PCDH7: variants seen among roughly 807,000 people sequenced by gnomAD.
PCDH7 encodes the protein protocadherin 7.
Under a neutral mutation model 58.9 loss-of-function variants are expected in PCDH7, and 17 were observed. That is an observed-to-expected ratio of 0.29 (90% confidence interval 0.20 to 0.43). PCDH7 has a LOEUF of 0.43. Among genes scored for constraint, PCDH7 ranks in the 20% least tolerant of loss-of-function variants. The pLI, the probability that PCDH7 is intolerant of heterozygous loss-of-function variation, is 1.00. For synonymous variants in PCDH7, 664 were observed against 616.4 expected (o/e 1.08, Z -1.14); for missense variants, 1,274 against 1,441.0 (o/e 0.88, Z 1.88).
intron 3 of PCDH7, among the ~76,000 whole-genome samples, chr4:31,054,445 C>CA (rs1267755759): frequency 3.9e-5 from 6 of 152,100 alleles, no homozygotes; most frequent in African/African-American, 1.4e-4. Flanking sequence ...GCACAACAAG[C>CA]AAAAAATACA....
chr4:30,864,326 T>G (rs990681666), intron 1 of PCDH7, among the ~76,000 whole-genome samples: 1 of 151,954 alleles, frequency 6.6e-6, no homozygotes, highest in Non-Finnish European at 1.5e-5. Flanking sequence ...ATTGTATTCC[T>G]TCCTTGAAAA....
intron 1 of PCDH7, among the ~76,000 whole-genome samples, chr4:30,808,411 C>A (rs1204646205): frequency 3.3e-5 from 5 of 152,128 alleles, no homozygotes; most frequent in Non-Finnish European, 7.4e-5. Context: ...TCTTTCTCTG[C>A]TGTTTTTTTC....
chr4:30,866,725 T>C (rs1734928563), intron 1 of PCDH7, among the ~76,000 whole-genome samples: 1 of 152,062 alleles, frequency 6.6e-6, no homozygotes, highest in South Asian at 2.1e-4. Flanking sequence ...ATTGTCCTTT[T>C]GATGTGTTTT....
chr4:30,816,982 C>G, intron 1 of PCDH7, among the ~76,000 whole-genome samples: 1 of 152,200 alleles, frequency 6.6e-6, no homozygotes, highest in East Asian at 1.9e-4. Flanking sequence ...AGAAATTCAG[C>G]GAGCACATAG....
chr4:30,999,915 C>T (rs1436714434), intron 3 of PCDH7, among the ~76,000 whole-genome samples: 1 of 152,016 alleles, frequency 6.6e-6, no homozygotes, highest in East Asian at 1.9e-4. Flanking sequence ...AACGTTTTCT[C>T]TTGGATAAGG....
intron 2 of PCDH7, among the ~76,000 whole-genome samples, chr4:30,939,629 T>C (rs940463790): frequency 5.3e-5 from 8 of 152,094 alleles, no homozygotes. Context: ...AAGTTATATA[T>C]CTGATGATTT....
chr4:30,877,945 A>C (rs918766989), intron 1 of PCDH7, among the ~76,000 whole-genome samples: 2 of 152,120 alleles, frequency 1.3e-5, no homozygotes, highest in African/African-American at 2.4e-5. Flanking sequence ...TATTTTGTTT[A>C]TAGCAAAAAT....
At position 30,797,525 on chromosome 4, in the gene PCDH7, C is replaced by T. The variant is rs368255020; in HGVS notation, c.70+72929C>T. Among the ~76,000 whole-genome samples the T allele has an allele frequency of 2.4e-4, 37 of 152,290 alleles. No homozygotes were observed. In the East Asian group the frequency reaches 4.1e-3, roughly 17 times the overall value. On this transcript the variant is annotated intron_variant, in intron 1 of 3. Coordinates refer to the PCDH7 transcript ENST00000509759. Reference sequence around the variant, plus strand: ...TCCTGACCTCGTGATCTGCCCGCCTCGGTCTCCCAAAGTGCTGGGATGACA... The same window carrying T: ...TCCTGACCTCGTGATCTGCCCGCCTTGGTCTCCCAAAGTGCTGGGATGACA...
At chr4:31,006,597 A>G (rs979686883) in intron 3 of PCDH7, among the ~76,000 whole-genome samples, 1 of 152,164 alleles carries the variant, frequency 6.6e-6, no homozygotes, top group Non-Finnish European at 1.5e-5. Flanking sequence ...ATGCTTCATA[A>G]GAAACAGGAA....
At chr4:30,895,154 A>G (rs1434474237) in intron 1 of PCDH7, among the ~76,000 whole-genome samples, 1 of 151,872 alleles carries the variant, frequency 6.6e-6, no homozygotes, top group Non-Finnish European at 1.5e-5. Flanking sequence ...AATAATAATA[A>G]TAAATGAGTA....
intron 1 of PCDH7, among the ~76,000 whole-genome samples, chr4:30,836,273 T>C (rs967045333): frequency 3.3e-5 from 5 of 152,100 alleles, no homozygotes; most frequent in African/African-American, 1.2e-4. Context: ...CCTTACAGAG[T>C]GCACAGTTTA....
chr4:31,062,426 T>C (rs1305918740), intron 3 of PCDH7, among the ~76,000 whole-genome samples: 1 of 151,792 alleles, frequency 6.6e-6, no homozygotes, highest in African/African-American at 2.4e-5. Context: ...TCTTGTTCAT[T>C]TAAAATATCT....
At chr4:31,103,522 GAGAC>G (rs957961405) in intron 3 of PCDH7, among the ~76,000 whole-genome samples, 3 of 151,810 alleles carry the variant, frequency 2.0e-5, no homozygotes, top group African/African-American at 7.3e-5. Context: ...TTTTATTAGA[GAGAC>G]AGGGTTTCAC....
chr4:30,987,458 A>T (rs191904197), intron 3 of PCDH7: 1 of 152,174 alleles, frequency 6.6e-6, no homozygotes, highest in East Asian at 1.9e-4. Flanking sequence ...GGTGGATATT[A>T]TTCATAGTAT....
At chr4:31,133,076 G>A (rs1026721838) in intron 3 of PCDH7, among the ~76,000 whole-genome samples, 1 of 152,134 alleles carries the variant, frequency 6.6e-6, no homozygotes, top group Non-Finnish European at 1.5e-5. Flanking sequence ...TCACTGAATG[G>A]CAGTTTATTT....
intron 1 of PCDH7, among the ~76,000 whole-genome samples, chr4:30,807,110 A>G (rs1358196521): frequency 1.3e-5 from 2 of 152,222 alleles, no homozygotes; most frequent in Non-Finnish European, 2.9e-5. Flanking sequence ...ATGAAGAACT[A>G]CATGTTTTTG....
chr4:30,965,554 A>G (rs878895578), intron 3 of PCDH7, among the ~76,000 whole-genome samples: 2 of 152,120 alleles, frequency 1.3e-5, no homozygotes, highest in African/African-American at 4.8e-5. Flanking sequence ...AAATCACCTT[A>G]CACCAATCAA....
intron 3 of PCDH7, among the ~76,000 whole-genome samples, chr4:30,962,416 A>G (rs1275099167): frequency 6.6e-6 from 1 of 152,142 alleles, no homozygotes; most frequent in African/African-American, 2.4e-5. Context: ...TTTAAAGCCT[A>G]TGTGTACTGT....
At chr4:30,894,282 A>G (rs1738998996) in intron 1 of PCDH7, among the ~76,000 whole-genome samples, 1 of 151,190 alleles carries the variant, frequency 6.6e-6, no homozygotes. Context: ...TGCTACTTTT[A>G]AAGTCCTATT....
Sources: gnomAD v4.1 joint callset for allele counts (sites outside exome capture counted in the v4.1 genomes callset) on GRCh38, gnomAD v4.1.1 for gene constraint, MANE v1.5 for transcripts, NCBI Gene and HGNC (gene_info 2026-07-23, HGNC 2026-07-21) for gene names.